The following SMAP2 variants were observed in gnomAD, a reference collection of about 807,000 sequenced individuals.
The protein encoded by SMAP2 is stromal membrane-associated protein 2.
Under a neutral mutation model 56.4 loss-of-function variants are expected in SMAP2, and 25 were observed. The observed-to-expected ratio is 0.44, with a 90% CI of 0.32 to 0.62. The LOEUF is 0.62. Ranked by LOEUF, SMAP2 falls within the 20% of genes least tolerant of loss-of-function variation. The pLI is 0.04. For synonymous variants in SMAP2, 157 were observed against 181.7 expected (o/e 0.86, Z 1.09); for missense variants, 388 against 545.6 (o/e 0.71, Z 2.88).
intron 2 of SMAP2, 55 bp downstream of exon 2, chr1:40,406,924 C>A: frequency 2.0e-6 from 3 of 1,504,684 alleles, no homozygotes; most frequent in South Asian, 1.3e-5. Flanking sequence ...AAAAGGAATT[C>A]CAGATGAATT....
chr1:40,347,627 T>C (rs1340743101), intron 1 of SMAP2, among the ~76,000 whole-genome samples: 1 of 152,016 alleles, frequency 6.6e-6, no homozygotes, highest in African/African-American at 2.4e-5. Flanking sequence ...CTCAGCCTCC[T>C]GAGTAGCTGG....
At chr1:40,357,759 T>A (rs930963448) in intron 1 of SMAP2, among the ~76,000 whole-genome samples, 2 of 152,116 alleles carry the variant, frequency 1.3e-5, no homozygotes, top group Admixed American at 1.3e-4. Context: ...TGTTTCAGGG[T>A]TTTTCATTTT....
chr1:40,365,344 C>A (rs186781167), intron 2 of SMAP2, among the ~76,000 whole-genome samples: 12 of 152,268 alleles, frequency 7.9e-5, no homozygotes, highest in Non-Finnish European at 1.0e-4. Flanking sequence ...AATTCTACTG[C>A]CACCAAAGCA....
intron 2 of SMAP2, among the ~76,000 whole-genome samples, chr1:40,362,651 G>A (rs1355632820): frequency 6.6e-6 from 1 of 152,062 alleles, no homozygotes; most frequent in Non-Finnish European, 1.5e-5. Context: ...TTCAGATCTT[G>A]CCTTTTCCCC....
At chr1:40,395,119 G>T (rs990098421) in intron 1 of SMAP2, among the ~76,000 whole-genome samples, 2 of 152,152 alleles carry the variant, frequency 1.3e-5, no homozygotes, top group African/African-American at 2.4e-5. Context: ...AGTTGATGGT[G>T]GGGGGTCCAG....
chr1:40,350,989 C>T (rs1644407104), intron 1 of SMAP2, among the ~76,000 whole-genome samples: 1 of 152,200 alleles, frequency 6.6e-6, no homozygotes, highest in East Asian at 1.9e-4. Flanking sequence ...TCTGAAGACT[C>T]AAAGTCAGGA....
intron 1 of SMAP2, among the ~76,000 whole-genome samples, chr1:40,381,441 G>A (rs1350965484): frequency 6.6e-6 from 1 of 152,234 alleles, no homozygotes; most frequent in Non-Finnish European, 1.5e-5. Flanking sequence ...AAAGTAGGCT[G>A]TGTCTTAAAG....
At chr1:40,387,709 C>T (rs570167546) in intron 1 of SMAP2, among the ~76,000 whole-genome samples, 3 of 152,320 alleles carry the variant, frequency 2.0e-5, no homozygotes, top group South Asian at 2.1e-4. Flanking sequence ...TCACAGCCCT[C>T]GCTCGCTCTC....
chr1:40,378,515 G>A (rs1397977499), intron 1 of SMAP2, among the ~76,000 whole-genome samples: 1 of 152,078 alleles, frequency 6.6e-6, no homozygotes, highest in East Asian at 1.9e-4. Context: ...GTCTCACTAT[G>A]TTTCTCAGGC....
At position 40,422,457 on chromosome 1, in the gene SMAP2, G is replaced by A. The variant is rs902938437; in HGVS notation, c.*356G>A. The A allele has an allele frequency of 4.0e-5, 10 of 248,476 alleles. No homozygotes were observed. Among genetic ancestry groups the A allele is most frequent in the African/African-American group, 2.2e-4 (10 of 46,254 alleles). 15.4% of individuals were successfully genotyped at this position (248,476 alleles called of 1,614,324 possible). Reference sequence around the variant, plus strand: ...GTCAGACTCTCAGAAGGGTCTGTGGGTGTTGTATATTAGGCAAACAGGGGA... The same window carrying A: ...GTCAGACTCTCAGAAGGGTCTGTGGATGTTGTATATTAGGCAAACAGGGGA... On this transcript the variant is annotated 3_prime_UTR_variant, in exon 10 of 10. Transcript: ENST00000372718.
At chr1:40,413,676 C>G (rs1644959445) in intron 5 of SMAP2, among the ~76,000 whole-genome samples, 2 of 152,196 alleles carry the variant, frequency 1.3e-5, no homozygotes, top group South Asian at 4.1e-4. Flanking sequence ...TATCATCGTT[C>G]TGAATCACAT....
At chr1:40,370,788 A>G (rs1252222921), upstream of SMAP2, among the ~76,000 whole-genome samples, 1 of 142,538 alleles carries the variant, frequency 7.0e-6, no homozygotes, top group Non-Finnish European at 1.5e-5. Flanking sequence ...GCGCACCAGC[A>G]TGGCACATGT....
intron 1 of SMAP2, chr1:40,396,747 C>A: frequency 1.5e-6 from 1 of 672,522 alleles, no homozygotes; most frequent in Non-Finnish European, 1.8e-6. Context: ...ACTTGATGAA[C>A]TCTCTTTTGT....
chr1:40,420,867 G>A (rs2124386521), intron 9 of SMAP2, among the ~76,000 whole-genome samples: 1 of 152,276 alleles, frequency 6.6e-6, no homozygotes, highest in Non-Finnish European at 1.5e-5. Flanking sequence ...TAGGGAAACT[G>A]GTCTAGCTTA....
chr1:40,372,840 C>T (rs1170699549), upstream of SMAP2, among the ~76,000 whole-genome samples: 4 of 152,136 alleles, frequency 2.6e-5, no homozygotes, highest in East Asian at 1.9e-4. Flanking sequence ...TAGTACAGTG[C>T]CTGATACTTA....
At position 40,386,996 on chromosome 1, in the gene SMAP2, G is replaced by C. The variant is rs909282020; in HGVS notation, c.103+12773G>C. 3.3e-5 allele frequency among the ~76,000 whole-genome samples: 5 copies of C among 151,890 alleles called. No individual in the cohort carries two copies. The highest frequency in any genetic ancestry group is 1.2e-4 in the African/African-American group (5 of 41,356). ...GCCTTCATAGTAGCTGGGACTACAG[G>C]TGCACACCACCACGTCCAGCTAATT... is the stretch of plus-strand genomic sequence containing the variant. On this transcript the variant is annotated intron_variant, in intron 1 of 9. Transcript: ENST00000372718. The surrounding 1 kb of genome is among the most constrained non-coding windows in gnomAD (Gnocchi z 4.1).
At chr1:40,361,189 G>A (rs1283022981) in intron 1 of SMAP2, among the ~76,000 whole-genome samples, 1 of 152,194 alleles carries the variant, frequency 6.6e-6, no homozygotes. Context: ...GAGTCCTGAG[G>A]CCCCTATTCC....
rs1403492078 is a variant in SMAP2, at chr1:40,374,098, C to T, written c.-23C>T. ...GGGGGCGAGGAGGGCGCGTCGCCCT[C>T]TGCCCCCGCCGGCACCCTGGCCATG... On this transcript the variant is annotated 5_prime_UTR_variant, in exon 1 of 10. Coordinates refer to ENST00000372718, the MANE Select transcript of SMAP2 (RefSeq NM_022733.3). This position sits in a 1 kb window ranked among gnomAD's most constrained non-coding sequence, Gnocchi z 5.9. 1 of 1,593,482 alleles carries T rather than the reference C, an allele frequency of 6.3e-7. No individual in the cohort carries two copies. The highest frequency in any genetic ancestry group is 8.6e-7 in the Non-Finnish European group (1 of 1,166,978).
chr1:40,357,233 T>A (rs1375256259), intron 1 of SMAP2, among the ~76,000 whole-genome samples: 1 of 152,058 alleles, frequency 6.6e-6, no homozygotes, highest in African/African-American at 2.4e-5. Context: ...AAATTTTGGA[T>A]CACCTGAGGT....
Sources: gnomAD v4.1 joint callset for allele counts (sites outside exome capture counted in the v4.1 genomes callset) on GRCh38, gnomAD v4.1.1 for gene constraint, Gnocchi (gnomAD v3.1) non-coding constraint, MANE v1.5 for transcripts, NCBI Gene and HGNC (gene_info 2026-07-23, HGNC 2026-07-21) for gene names.